The following CELF2 variants were observed in gnomAD, a reference collection of about 807,000 sequenced individuals.
The protein encoded by CELF2 is CUG triplet repeat RNA-binding protein 2.
Under a neutral mutation model 62.6 loss-of-function variants are expected in CELF2, and 8 were observed. The observed-to-expected ratio is 0.13, with a 90% CI of 0.07 to 0.23. The LOEUF (loss-of-function observed/expected upper bound fraction) is 0.23. CELF2 is among the 10% of genes least tolerant of loss of function. The pLI, the probability that CELF2 is intolerant of heterozygous loss-of-function variation, is 1.00. For synonymous variants in CELF2, 258 were observed against 250.0 expected (o/e 1.03, Z -0.30); for missense variants, 333 against 671.0 (o/e 0.50, Z 5.56).
At chr10:10,913,026 G>A (rs2063951613) in intron 1 of CELF2, among the ~76,000 whole-genome samples, 1 of 152,194 alleles carries the variant, frequency 6.6e-6, no homozygotes, top group Admixed American at 6.5e-5. Context: ...TCCATTTGAT[G>A]TGAACAGTTC....
At chr10:10,848,677 C>G (rs1250652137) in intron 1 of CELF2, among the ~76,000 whole-genome samples, 1 of 152,006 alleles carries the variant, frequency 6.6e-6, no homozygotes. Context: ...TTTTGGCCAT[C>G]GTGGGGCCCT....
chr10:10,655,266 G>A, the CELF2 span, among the ~76,000 whole-genome samples: 1 of 140,384 alleles, frequency 7.1e-6, no homozygotes, highest in East Asian at 2.0e-4. Flanking sequence ...GGGGTAGGAA[G>A]AATCAATATC....
rs2082891395 is a variant in CELF2, at chr10:11,268,795, A to G, written c.619-1871A>G. On this transcript the variant is annotated intron_variant, in intron 6 of 12. Coordinates refer to ENST00000633077, the MANE Select transcript of CELF2 (RefSeq NM_001326342.2). This position sits in a 1 kb window ranked among gnomAD's most constrained non-coding sequence, Gnocchi z 4.7. ...TTGTTTATTTTTAACTAATTATATTATTTCCAGGACTCTGGCATACATCTT... is the reference window on the plus strand; with the variant it reads ...TTGTTTATTTTTAACTAATTATATTGTTTCCAGGACTCTGGCATACATCTT... Among the ~76,000 whole-genome samples the G allele has an allele frequency of 1.3e-5, 2 of 152,116 alleles. No individual in the cohort carries two copies. The highest frequency in any genetic ancestry group is 2.4e-5 in the African/African-American group (1 of 41,420).
At chr10:10,926,490 T>C (rs927673507) in intron 2 of CELF2, among the ~76,000 whole-genome samples, 1 of 152,222 alleles carries the variant, frequency 6.6e-6, no homozygotes, top group Non-Finnish European at 1.5e-5. Flanking sequence ...TCTTTGTCAA[T>C]TACTCAGTCT....
chr10:11,000,511 T>C (rs2054411003), upstream of CELF2, among the ~76,000 whole-genome samples: 1 of 152,238 alleles, frequency 6.6e-6, no homozygotes, highest in Admixed American at 6.5e-5. Flanking sequence ...GCCCTGCTCC[T>C]CCTGGTAAAC....
At chr10:10,815,117 A>G (rs2056327279) in intron 1 of CELF2, among the ~76,000 whole-genome samples, 1 of 152,208 alleles carries the variant, frequency 6.6e-6, no homozygotes, top group Admixed American at 6.5e-5. Context: ...TTTATCTTAA[A>G]GACTTTAATT....
chr10:10,667,497 G>A, the CELF2 span, among the ~76,000 whole-genome samples: 1 of 152,184 alleles, frequency 6.6e-6, no homozygotes, highest in Non-Finnish European at 1.5e-5. Context: ...GGCTGATCAC[G>A]ACTATAAATC....
In CELF2 at chr10:11,010,601, C is replaced by T. The variant is rs1027189021; in HGVS notation, c.53+5161C>T. ...CATTTTAAAGATGAAAAACTGAGCC[C>T]GAGAGAGGTAAAGTCACAGGCCCAT... On this transcript the variant is annotated intron_variant, in intron 1 of 12. Coordinates refer to the CELF2 transcript ENST00000416382. The surrounding 1 kb of genome is among the most constrained non-coding windows in gnomAD (Gnocchi z 4.1). 4.6e-5 allele frequency among the ~76,000 whole-genome samples: 7 copies of T among 152,176 alleles called. No individual in the cohort carries two copies. Among genetic ancestry groups the T allele is most frequent in the East Asian group, 1.9e-4 (1 of 5,186 alleles).
At chr10:11,060,257 G>A (rs539133531) in intron 1 of CELF2, among the ~76,000 whole-genome samples, 89 of 152,256 alleles carry the variant, frequency 5.8e-4, no homozygotes, top group African/African-American at 2.0e-3. Context: ...CTAGGAAATG[G>A]GTGAACCCCA....
At chr10:11,150,900 TAAG>T (rs1312040622) in intron 1 of CELF2, among the ~76,000 whole-genome samples, 2 of 152,230 alleles carry the variant, frequency 1.3e-5, no homozygotes, top group Non-Finnish European at 2.9e-5. Context: ...GTGTGGTTAT[TAAG>T]AAGAACAGTA....
chr10:11,103,572 G>A (rs1314544238), intron 1 of CELF2, among the ~76,000 whole-genome samples: 1 of 149,666 alleles, frequency 6.7e-6, no homozygotes, highest in Admixed American at 6.7e-5. Context: ...ATGCAAAGGG[G>A]GGAATTAGAA....
rs1035928766 is a variant in CELF2 at position 10,957,808 on chromosome 10, T to C, written c.89+37809T>C. 6.6e-6 allele frequency among the ~76,000 whole-genome samples: 1 copy of C among 152,200 alleles called. No individual in the cohort carries two copies. The highest frequency in any genetic ancestry group is 1.5e-5 in the Non-Finnish European group (1 of 68,032). On this transcript the variant is annotated intron_variant, in intron 2 of 13. Coordinates refer to the CELF2 transcript ENST00000636488. The surrounding 1 kb of genome is among the most constrained non-coding windows in gnomAD (Gnocchi z 4.1). ...CCACGTTTTTCATCGGTTTTCCCCA[T>C]CTTCCTAATTGGGATCACATTCTCT...
Position 10,853,722 on chromosome 10 carries a change from G to T in CELF2, c.53+54905G>T, listed in dbSNP as rs147455684. ...TGGAGATCTTGAGAGTGGGGAGCTG[G>T]CCTCTCGGTTCTCCTCGGCATGAGG... On this transcript the variant is annotated intron_variant, in intron 1 of 13. Coordinates refer to the CELF2 transcript ENST00000636488. Among the ~76,000 whole-genome samples, 37 of 152,172 alleles carry T rather than the reference G, an allele frequency of 2.4e-4. No individual in the cohort carries two copies. The East Asian group carries it at 6.8e-3, about 28-fold the overall frequency.
At position 11,227,744 on chromosome 10, in the gene CELF2, T is replaced by C. The variant is rs1431410975; in HGVS notation, c.354+10237T>C. ...TGGCAGCTTGGGTTAGACCAGGTGG[T>C]TATTTGCCACCTGTAGGCTGGCACT... On this transcript the variant is annotated intron_variant, in intron 3 of 12. Coordinates refer to ENST00000633077, the MANE Select transcript of CELF2 (RefSeq NM_001326342.2). The surrounding 1 kb of genome is among the most constrained non-coding windows in gnomAD (Gnocchi z 4.8). Among the ~76,000 whole-genome samples, 2 of 152,142 alleles carry C rather than the reference T, an allele frequency of 1.3e-5. No individual in the cohort carries two copies. The highest frequency in any genetic ancestry group is 4.8e-5 in the African/African-American group (2 of 41,428).
chr10:10,903,565 G>C (rs1335588343), intron 1 of CELF2, among the ~76,000 whole-genome samples: 1 of 152,238 alleles, frequency 6.6e-6, no homozygotes, highest in Non-Finnish European at 1.5e-5. Context: ...GGAGTCTAAA[G>C]ATGAGTCAAT....
chr10:10,965,957 G>A (rs2050077623), intron 2 of CELF2, among the ~76,000 whole-genome samples: 1 of 152,220 alleles, frequency 6.6e-6, no homozygotes, highest in Admixed American at 6.5e-5. Context: ...TAGAATGACT[G>A]TGACAAGCAA....
the CELF2 span, among the ~76,000 whole-genome samples, chr10:10,778,621 G>A: frequency 2.9e-3 from 449 of 152,290 alleles, 3 homozygotes; most frequent in African/African-American, 0.01. Context: ...GTTTGCCTCT[G>A]AGGAGACTCT....
intron 1 of CELF2, among the ~76,000 whole-genome samples, chr10:11,162,500 G>T (rs944604597): frequency 2.0e-5 from 3 of 152,082 alleles, no homozygotes; most frequent in African/African-American, 7.2e-5. Context: ...AGAAATGAGA[G>T]GTGCTCATGG....
rs1431325919 is a variant in CELF2, at chr10:10,997,212, G to T, written c.89+77213G>T. 6.6e-6 allele frequency among the ~76,000 whole-genome samples: 1 copy of T among 152,184 alleles called. No individual in the cohort carries two copies. The highest frequency in any genetic ancestry group is 1.5e-5 in the Non-Finnish European group (1 of 68,034). ...TCATTTGTGTCATGTGGGTGATAAT[G>T]CAGATTTACGGGATGGCTCTCATAG... On this transcript the variant is annotated intron_variant, in intron 2 of 13. Coordinates refer to the CELF2 transcript ENST00000636488. This position sits in a 1 kb window ranked among gnomAD's most constrained non-coding sequence, Gnocchi z 5.3.
Sources: gnomAD v4.1 joint callset for allele counts (sites outside exome capture counted in the v4.1 genomes callset) on GRCh38, gnomAD v4.1.1 for gene constraint, Gnocchi (gnomAD v3.1) non-coding constraint, MANE v1.5 for transcripts, NCBI Gene and HGNC (gene_info 2026-07-23, HGNC 2026-07-21) for gene names.